TRAPPC8: variants seen among roughly 807,000 people sequenced by gnomAD.
TRAPPC8 encodes trafficking protein particle complex subunit 8.
A neutral mutation model predicts 174.3 loss-of-function variants in TRAPPC8; 54 were observed. That is an observed-to-expected ratio of 0.31 (90% confidence interval 0.25 to 0.39). The LOEUF is 0.39. Among genes scored for constraint, TRAPPC8 ranks in the 10% least tolerant of loss-of-function variants. The pLI is 1.00. For missense variants in TRAPPC8, 1,531 were observed against 1,699.1 expected (o/e 0.90, Z 1.74); for synonymous variants, 630 against 579.9 (o/e 1.09, Z -1.24).
At chr18:31,890,627 C>A in intron 12 of TRAPPC8, 108 bp downstream of exon 12, 4 of 1,327,128 alleles carry the variant, frequency 3.0e-6, no homozygotes, top group Non-Finnish European at 4.0e-6. Flanking sequence ...TACATTACCT[C>A]AGAACAAAAT....
chr18:31,903,026 G>C (rs898180125), intron 9 of TRAPPC8, among the ~76,000 whole-genome samples: 3 of 150,770 alleles, frequency 2.0e-5, no homozygotes, highest in Admixed American at 2.0e-4. Flanking sequence ...CTCCAGCCTG[G>C]GTGACAGCGA....
chr18:31,907,175 A>G (rs1337994859), intron 9 of TRAPPC8, among the ~76,000 whole-genome samples: 1 of 152,116 alleles, frequency 6.6e-6, no homozygotes, highest in Non-Finnish European at 1.5e-5. Context: ...TAAAGATGCA[A>G]TCTTACTATG....
intron 18 of TRAPPC8, among the ~76,000 whole-genome samples, chr18:31,866,102 T>C (rs553840951): frequency 4.1e-4 from 63 of 152,252 alleles, no homozygotes; most frequent in African/African-American, 1.5e-3. Flanking sequence ...TTGTAAATGC[T>C]AAATTCATGT....
chr18:31,930,278 C>A (rs1230696129), intron 2 of TRAPPC8, among the ~76,000 whole-genome samples: 1 of 152,046 alleles, frequency 6.6e-6, no homozygotes, highest in African/African-American at 2.4e-5. Context: ...TGCCACCACA[C>A]CCAGCTAATT....
rs971197315 is a variant in TRAPPC8 at position 31,869,797 on chromosome 18, A to AT, written c.2388+574dup. Among the ~76,000 whole-genome samples the AT allele has an allele frequency of 5.3e-5, 8 of 152,318 alleles. No individual in the cohort carries two copies. In the South Asian group the frequency reaches 1.2e-3, roughly 24 times the overall value. ...ATGTGGGAAAAACATACAAATGAAA[A>AT]TAACTGGAAGGCCGGGCGCGGTGGC... On this transcript the variant is annotated intron_variant, in intron 16 of 28. Transcript: ENST00000283351.
At chr18:31,838,772 C>A (rs1465610313) in intron 27 of TRAPPC8, among the ~76,000 whole-genome samples, 2 of 152,102 alleles carry the variant, frequency 1.3e-5, no homozygotes, top group East Asian at 3.8e-4. Context: ...GAGATAGTTT[C>A]TTTTTATTGG....
At chr18:31,850,013 T>C (rs1598603388) in intron 24 of TRAPPC8, among the ~76,000 whole-genome samples, 1 of 151,874 alleles carries the variant, frequency 6.6e-6, no homozygotes, top group Non-Finnish European at 1.5e-5. Flanking sequence ...AGTGCAGTGG[T>C]GCAATCTCAG....
chr18:31,935,230 G>A (rs1220430593), intron 1 of TRAPPC8, among the ~76,000 whole-genome samples: 2 of 151,684 alleles, frequency 1.3e-5, no homozygotes, highest in Non-Finnish European at 2.9e-5. Context: ...TGTAATCCCA[G>A]CTACCAGGGA....
chr18:31,927,814 T>C (rs1200267201), intron 2 of TRAPPC8, among the ~76,000 whole-genome samples: 1 of 152,154 alleles, frequency 6.6e-6, no homozygotes, highest in Non-Finnish European at 1.5e-5. Context: ...ATCTCAGCAC[T>C]TTGAGAGGTG....
At chr18:31,911,941 AG>A (rs1220670247) in intron 5 of TRAPPC8, among the ~76,000 whole-genome samples, 1 of 151,920 alleles carries the variant, frequency 6.6e-6, no homozygotes, top group East Asian at 1.9e-4. Context: ...AACTAAGCAT[AG>A]GAACTTGGCA....
At chr18:31,858,340 T>C (rs561834107) in intron 19 of TRAPPC8, among the ~76,000 whole-genome samples, 1 of 152,352 alleles carries the variant, frequency 6.6e-6, no homozygotes, top group East Asian at 1.9e-4. Context: ...ATAACCCTTA[T>C]AACTGTCAAC....
At position 31,908,413 on chromosome 18, in the gene TRAPPC8, T is replaced by G; in HGVS notation, c.1128A>C (p.Ile376=). The change falls in exon 8 of 29, where the codon ATA becomes ATC. Residue 376 remains isoleucine, a synonymous_variant. Transcript: ENST00000283351. The part of the protein sequence containing the change: ...KTIRQLNDQL[I]SRKGLSRSLF... ...GAGATCGACTCAAACCTTTTCTTGA[T>G]ATTAGCTTTAAAAAAGAGATTAAAT... 1 of 1,561,196 alleles carries G rather than the reference T, an allele frequency of 6.4e-7. No homozygotes were observed. The highest frequency in any genetic ancestry group is 8.7e-7 in the Non-Finnish European group (1 of 1,152,922).
chr18:31,842,732 A>G (rs1025457857), intron 26 of TRAPPC8, among the ~76,000 whole-genome samples: 31 of 152,234 alleles, frequency 2.0e-4, no homozygotes, highest in African/African-American at 6.5e-4. Flanking sequence ...GAGTGTTGAC[A>G]TGACACTCAC....
At chr18:31,846,986 T>C (rs575522294) in intron 25 of TRAPPC8, among the ~76,000 whole-genome samples, 169 bp from the exon 26 acceptor site, 34 of 152,334 alleles carry the variant, frequency 2.2e-4, no homozygotes, top group Non-Finnish European at 2.8e-4. Context: ...ATCAATAAAG[T>C]ATCTATCCAA....
chr18:31,846,918 C>A (rs755322622), intron 25 of TRAPPC8, 101 bp from the exon 26 acceptor site: 5 of 693,160 alleles, frequency 7.2e-6, no homozygotes, highest in Admixed American at 2.6e-5. Context: ...TGGCCAATAT[C>A]TATCAATTAT....
intron 12 of TRAPPC8, among the ~76,000 whole-genome samples, chr18:31,888,255 TGGGCATGGTGGCTCACGCCTGTAATCCCA>T (rs1035386135): frequency 4.6e-5 from 7 of 152,162 alleles, no homozygotes; most frequent in African/African-American, 1.7e-4. Flanking sequence ...AAGTCAAAGC[TGGGCATGGTGGCTCACGCCTGTAATCCCA>T]GCACTCTGGG....
At position 31,933,875 on chromosome 18, in the gene TRAPPC8, TAAATA is replaced by T. The variant is rs1317840817; in HGVS notation, c.158-2357_158-2353del. Among the ~76,000 whole-genome samples, 4 of 152,208 alleles carry T rather than the reference TAAATA, an allele frequency of 2.6e-5. No individual in the cohort carries two copies. The East Asian group carries it at 7.7e-4, about 29-fold the overall frequency. On this transcript the variant is annotated intron_variant, in intron 1 of 28. Transcript: ENST00000283351. ...CAAATGTGTATTTATATTGTAAACA[TAAATA>T]TAGATACACAAAAAGTATACATGCA...
intron 9 of TRAPPC8, among the ~76,000 whole-genome samples, chr18:31,903,107 C>CGCGTGCGT (rs201250224): frequency 5.2e-4 from 71 of 137,606 alleles, no homozygotes; most frequent in African/African-American, 1.7e-3. Context: ...TTTGATTGCG[C>CGCGTGCGT]GCGTGCGTGC....
chr18:31,897,346 G>C (rs1341374235), intron 11 of TRAPPC8, among the ~76,000 whole-genome samples: 1 of 152,122 alleles, frequency 6.6e-6, no homozygotes, highest in African/African-American at 2.4e-5. Context: ...AAAAGTTCAT[G>C]CTAGTTGAAA....
Sources: allele counts gnomAD v4.1 joint callset (sites outside exome capture counted in the v4.1 genomes callset), GRCh38; gene constraint gnomAD v4.1.1; transcripts MANE v1.5; gene names NCBI Gene and HGNC (gene_info 2026-07-23, HGNC 2026-07-21).